Variants in UBE2E2 observed in about 807,000 individuals in gnomAD.
UBE2E2 encodes the protein ubiquitin conjugating enzyme E2 E2, also known as ubiquitin-conjugating enzyme E2 E2.
Under a neutral mutation model 24.7 loss-of-function variants are expected in UBE2E2, and 6 were observed. The ratio of observed to expected loss-of-function variants is 0.24; its 90% CI spans 0.13 to 0.48. The LOEUF is 0.48. Ranked by LOEUF, UBE2E2 falls within the 20% of genes least tolerant of loss-of-function variation. The pLI, the probability that UBE2E2 is intolerant of heterozygous loss-of-function variation, is 0.99. For synonymous variants in UBE2E2, 104 were observed against 83.6 expected (o/e 1.24, Z -1.33); for missense variants, 169 against 245.0 (o/e 0.69, Z 2.07).
At chr3:23,423,199 C>G (rs961748588) in intron 3 of UBE2E2, among the ~76,000 whole-genome samples, 2 of 152,196 alleles carry the variant, frequency 1.3e-5, no homozygotes, top group African/African-American at 2.4e-5. Flanking sequence ...TTGTTTTATT[C>G]TCCCAACTGC....
chr3:23,348,851 G>A (rs1169645920), intron 3 of UBE2E2, among the ~76,000 whole-genome samples: 1 of 152,082 alleles, frequency 6.6e-6, no homozygotes, highest in Non-Finnish European at 1.5e-5. Context: ...CTTGTTTGGA[G>A]CAAAGTGCCA....
At chr3:23,234,447 C>T (rs1191441050) in intron 3 of UBE2E2, among the ~76,000 whole-genome samples, 3 of 152,248 alleles carry the variant, frequency 2.0e-5, no homozygotes, top group East Asian at 3.9e-4. Flanking sequence ...CCTTCAGCTC[C>T]TCCATGGTCA....
chr3:23,334,443 G>GCC (rs1695151836), intron 3 of UBE2E2, among the ~76,000 whole-genome samples: 2 of 151,942 alleles, frequency 1.3e-5, no homozygotes, highest in African/African-American at 4.8e-5. Flanking sequence ...CGTATTGGTG[G>GCC]TACCTACTCA....
intron 3 of UBE2E2, among the ~76,000 whole-genome samples, chr3:23,317,322 A>G (rs1694609415): frequency 6.6e-6 from 1 of 152,168 alleles, no homozygotes; most frequent in South Asian, 2.1e-4. Context: ...CTTCATGGGC[A>G]TCACCTGAGT....
chr3:23,564,521 G>A (rs1361429692), intron 5 of UBE2E2, among the ~76,000 whole-genome samples: 3 of 152,194 alleles, frequency 2.0e-5, no homozygotes, highest in Non-Finnish European at 2.9e-5. Context: ...TAGGGAACCT[G>A]TGACTGTGCC....
intron 3 of UBE2E2, among the ~76,000 whole-genome samples, chr3:23,472,602 A>T (rs1170036334): frequency 6.6e-6 from 1 of 151,066 alleles, no homozygotes; most frequent in Non-Finnish European, 1.5e-5. Flanking sequence ...TACAATTTTT[A>T]GACCTAGCAG....
At chr3:23,380,503 C>T (rs58879825) in intron 3 of UBE2E2, among the ~76,000 whole-genome samples, 7,503 of 152,252 alleles carry the variant, frequency 0.049, 612 homozygotes, top group African/African-American at 0.17. Flanking sequence ...GGATTATAGA[C>T]GTGAGCCACC....
At chr3:23,453,126 C>T (rs757064992) in intron 3 of UBE2E2, among the ~76,000 whole-genome samples, 1 of 152,152 alleles carries the variant, frequency 6.6e-6, no homozygotes. Flanking sequence ...GCTTAGGCAC[C>T]GAAGTTTGAA....
intron 3 of UBE2E2, among the ~76,000 whole-genome samples, chr3:23,471,922 C>A (rs2125434734): frequency 1.4e-5 from 2 of 143,532 alleles, no homozygotes; most frequent in African/African-American, 2.7e-5. Context: ...GTCCCTTTCA[C>A]AGTACAGGAA....
At chr3:23,308,805 A>G (rs893933405) in intron 3 of UBE2E2, among the ~76,000 whole-genome samples, 5 of 152,172 alleles carry the variant, frequency 3.3e-5, no homozygotes, top group Non-Finnish European at 1.5e-5. Flanking sequence ...GGAAGCCGGT[A>G]GCATGGCTCT....
At chr3:23,380,298 C>T (rs2125349690) in intron 3 of UBE2E2, among the ~76,000 whole-genome samples, 1 of 152,306 alleles carries the variant, frequency 6.6e-6, no homozygotes, top group South Asian at 2.1e-4. Flanking sequence ...TAGCTCACTG[C>T]AGCCTGGAGC....
chr3:23,238,888 T>G (rs1368364583), intron 3 of UBE2E2, among the ~76,000 whole-genome samples: 1 of 152,178 alleles, frequency 6.6e-6, no homozygotes, highest in African/African-American at 2.4e-5. Flanking sequence ...TGAAAGTTTT[T>G]GATTTTGGAG....
At chr3:23,551,443 T>A (rs1695641168) in intron 5 of UBE2E2, among the ~76,000 whole-genome samples, 1 of 152,226 alleles carries the variant, frequency 6.6e-6, no homozygotes, top group Non-Finnish European at 1.5e-5. Flanking sequence ...TTATGTTGGC[T>A]CTATATTAGT....
chr3:23,522,009 T>C (rs887566833), intron 4 of UBE2E2, among the ~76,000 whole-genome samples: 3 of 152,154 alleles, frequency 2.0e-5, no homozygotes, highest in South Asian at 2.1e-4. Context: ...AGGTTATCTT[T>C]ATTTCCACCA....
chr3:23,344,037 G>C (rs1187335772), intron 3 of UBE2E2, among the ~76,000 whole-genome samples: 1 of 152,052 alleles, frequency 6.6e-6, no homozygotes, highest in Non-Finnish European at 1.5e-5. Context: ...ACTAAATCTA[G>C]TTTTCAAGTG....
At chr3:23,352,726 A>G (rs553909087) in intron 3 of UBE2E2, among the ~76,000 whole-genome samples, 3 of 152,226 alleles carry the variant, frequency 2.0e-5, no homozygotes, top group Non-Finnish European at 4.4e-5. Context: ...AGGCTCTGAA[A>G]TTGTGGCAAT....
chr3:23,255,638 C>CT (rs1424768851), intron 3 of UBE2E2, among the ~76,000 whole-genome samples: 22 of 152,100 alleles, frequency 1.4e-4, no homozygotes, highest in Non-Finnish European at 2.6e-4. Context: ...AGTGATCAGT[C>CT]TAAGCTCTCT....
chr3:23,268,218 G>A, intron 3 of UBE2E2, among the ~76,000 whole-genome samples: 1 of 147,828 alleles, frequency 6.8e-6, no homozygotes, highest in South Asian at 2.2e-4. Flanking sequence ...CAATTAGGCA[G>A]GAGAAGGAAA....
Position 23,457,611 on chromosome 3 carries a change from A to G in UBE2E2, c.228-41997A>G, listed in dbSNP as rs187075968. 1.1e-3 allele frequency among the ~76,000 whole-genome samples: 169 copies of G among 152,012 alleles called. 2 individuals are homozygous for G. The highest frequency in any genetic ancestry group is 3.9e-3 in the African/African-American group (161 of 41,434). ...GTGATCACAGCTCACTGCAGCCTCA[A>G]CCTCCCAGGCTCAAGCTCCTCAGCC... On this transcript the variant is annotated intron_variant, in intron 3 of 5. Coordinates refer to ENST00000396703, the MANE Select transcript of UBE2E2 (RefSeq NM_152653.4).
Sources: gnomAD v4.1 joint callset for allele counts (sites outside exome capture counted in the v4.1 genomes callset) on GRCh38, gnomAD v4.1.1 for gene constraint, MANE v1.5 for transcripts, NCBI Gene and HGNC (gene_info 2026-07-23, HGNC 2026-07-21) for gene names.